Variants in THRAP3 observed in about 807,000 individuals in gnomAD.
THRAP3 encodes the protein thyroid hormone receptor-associated protein 3.
THRAP3 carries 16 observed loss-of-function variants against 101.0 expected under a neutral mutation model. That is an observed-to-expected ratio of 0.16 (90% CI 0.11 to 0.24). The LOEUF (loss-of-function observed/expected upper bound fraction) is 0.24, where lower values mean the gene tolerates loss of function less well. THRAP3 is among the 10% of genes least tolerant of loss of function. The pLI is 1.00. For missense variants in THRAP3, 989 were observed against 1,202.7 expected, an observed-to-expected ratio of 0.82 and a Z score of 2.63; for synonymous variants, 407 against 422.6, an observed-to-expected ratio of 0.96 and a Z score of 0.45.
intron 3 of THRAP3, 95 bp downstream of exon 3, chr1:36,282,795 A>G (rs1339336630): frequency 4.8e-6 from 7 of 1,443,514 alleles, no homozygotes; most frequent in Non-Finnish European, 6.8e-6. Context: ...GTGAGTGTCA[A>G]ATGGACTGGG....
chr1:36,224,682 C>T (rs747206592), intron 1 of THRAP3, among the ~76,000 whole-genome samples, 177 bp downstream of exon 1: 15 of 152,186 alleles, frequency 9.9e-5, no homozygotes, highest in African/African-American at 3.1e-4. Context: ...CGGCTCCTCC[C>T]CTTCCCCGCC....
upstream of THRAP3, among the ~76,000 whole-genome samples, chr1:36,219,795 A>G (rs1644893882): frequency 6.6e-6 from 1 of 152,128 alleles, no homozygotes; most frequent in African/African-American, 2.4e-5. Flanking sequence ...TAGGACTTTC[A>G]TAGCTAGAGA....
At position 36,238,128 on chromosome 1, in the gene THRAP3, C is replaced by T. The variant is rs888681656; in HGVS notation, c.-135+13623C>T. On this transcript the variant is annotated intron_variant, in intron 1 of 11. Coordinates refer to ENST00000354618, the MANE Select transcript of THRAP3 (RefSeq NM_005119.4). ...GATTACAGGTGTGAGCCACCGCGCC[C>T]GGCGATTTAGCAAATTTTTTGTAGA... 2.6e-5 allele frequency among the ~76,000 whole-genome samples: 4 copies of T among 152,130 alleles called. No individual in the cohort carries two copies. In the South Asian group the frequency reaches 6.2e-4, roughly 24 times the overall value.
chr1:36,239,041 C>G (rs1333613869), intron 1 of THRAP3, among the ~76,000 whole-genome samples: 9 of 151,720 alleles, frequency 5.9e-5, no homozygotes, highest in Non-Finnish European at 8.8e-5. Flanking sequence ...TCACGCCATT[C>G]TCCTGCCTCA....
intron 1 of THRAP3, among the ~76,000 whole-genome samples, chr1:36,233,202 G>C (rs962736510): frequency 8.0e-5 from 12 of 150,222 alleles, no homozygotes; most frequent in Non-Finnish European, 3.0e-5. Context: ...TACATTTATT[G>C]TGTGTGAATT....
chr1:36,210,716 T>TG, the THRAP3 span, among the ~76,000 whole-genome samples: 8 of 6,586 alleles, frequency 1.2e-3, no homozygotes, highest in East Asian at 5.4e-3. Context: ...TATATATATA[T>TG]ATATATATAT....
At chr1:36,268,216 C>T (rs887486719) in intron 2 of THRAP3, among the ~76,000 whole-genome samples, 1 of 150,264 alleles carries the variant, frequency 6.7e-6, no homozygotes, top group African/African-American at 2.4e-5. Context: ...CTTTTTCTTG[C>T]ACTGAAGGTG....
At chr1:36,239,768 A>G (rs1645133365) in intron 1 of THRAP3, among the ~76,000 whole-genome samples, 1 of 152,244 alleles carries the variant, frequency 6.6e-6, no homozygotes, top group African/African-American at 2.4e-5. Flanking sequence ...CTATATGTCC[A>G]TCACCTAGAT....
Position 36,230,161 on chromosome 1 carries a change from C to T in THRAP3, c.-135+5656C>T, listed in dbSNP as rs1420825709. 3.3e-5 allele frequency among the ~76,000 whole-genome samples: 5 copies of T among 151,062 alleles called. No homozygotes were observed. In the Admixed American group the frequency reaches 3.3e-4, roughly 10 times the overall value. On this transcript the variant is annotated intron_variant, in intron 1 of 11. Coordinates refer to ENST00000354618, the MANE Select transcript of THRAP3 (RefSeq NM_005119.4). ...TTTTAGACGGAGTTTTGTTCTTGTCCAGGCTGGAGTGCAATGGCTCGATCT... is the reference window on the plus strand; with the variant it reads ...TTTTAGACGGAGTTTTGTTCTTGTCTAGGCTGGAGTGCAATGGCTCGATCT...
chr1:36,288,183 G>T, intron 4 of THRAP3: 1 of 938,172 alleles, frequency 1.1e-6, no homozygotes, highest in Non-Finnish European at 1.3e-6. Flanking sequence ...ATAGGTTTTT[G>T]GGCGAATAGG....
At chr1:36,223,655 C>T (rs182363611), upstream of THRAP3, among the ~76,000 whole-genome samples, 488 of 152,222 alleles carry the variant, frequency 3.2e-3, 4 homozygotes, top group African/African-American at 0.011. Context: ...AAGAATCACC[C>T]GAGAGATCGG....
At chr1:36,300,806 C>G in intron 9 of THRAP3, 80 bp from the exon 10 acceptor site, 1 of 1,427,028 alleles carries the variant, frequency 7.0e-7, no homozygotes, top group Non-Finnish European at 9.8e-7. Context: ...TTTGATTGCC[C>G]TGTGCTTATC....
intron 4 of THRAP3, chr1:36,287,609 A>G (rs1407276137): frequency 3.0e-6 from 3 of 985,298 alleles, no homozygotes; most frequent in African/African-American, 3.5e-5. Context: ...TCTTTGCCAA[A>G]ATGAATGGCC....
intron 1 of THRAP3, among the ~76,000 whole-genome samples, chr1:36,229,337 C>T (rs183605121): frequency 1.3e-5 from 2 of 151,218 alleles, no homozygotes; most frequent in African/African-American, 4.8e-5. Flanking sequence ...ACCTCGTGAT[C>T]TGCCCGCCTC....
At chr1:36,214,136 C>T in the THRAP3 span, among the ~76,000 whole-genome samples, 3 of 152,316 alleles carry the variant, frequency 2.0e-5, no homozygotes, top group Admixed American at 6.5e-5. Flanking sequence ...CTGTCAATTC[C>T]GTGCTTAGCC....
intron 1 of THRAP3, among the ~76,000 whole-genome samples, chr1:36,236,070 A>G (rs1056721976): frequency 1.3e-5 from 2 of 151,584 alleles, no homozygotes; most frequent in East Asian, 3.9e-4. Flanking sequence ...AACATAGTGA[A>G]ACCCCGTCTC....
upstream of THRAP3, chr1:36,224,425 G>C (rs1644934374): frequency 6.5e-6 from 1 of 153,188 alleles, no homozygotes. Flanking sequence ...CGGAGACGCT[G>C]GGCGCGCTGT....
chr1:36,212,669 C>G, the THRAP3 span, among the ~76,000 whole-genome samples: 1 of 152,230 alleles, frequency 6.6e-6, no homozygotes, highest in South Asian at 2.1e-4. Flanking sequence ...ATCCACCAAC[C>G]TTGGCCTCCC....
intron 1 of THRAP3, among the ~76,000 whole-genome samples, chr1:36,256,818 A>G (rs1392559586): frequency 1.3e-5 from 2 of 151,536 alleles, no homozygotes; most frequent in Non-Finnish European, 1.5e-5. Context: ...TTTTGAGACA[A>G]GAGTTTCGCT....
Sources: gnomAD v4.1 joint callset for allele counts (sites outside exome capture counted in the v4.1 genomes callset) on GRCh38, gnomAD v4.1.1 for gene constraint, MANE v1.5 for transcripts, NCBI Gene and HGNC (gene_info 2026-07-23, HGNC 2026-07-21) for gene names.